The following CSMD3 variants were observed in gnomAD, a reference collection of about 807,000 sequenced individuals.
CSMD3 encodes the protein CUB and Sushi multiple domains 3, also known as CUB and sushi domain-containing protein 3.
In CSMD3, 177 loss-of-function variants were observed where a neutral mutation model predicts 435.2. The observed-to-expected ratio is 0.41, with a 90% confidence interval of 0.36 to 0.46. The LOEUF (loss-of-function observed/expected upper bound fraction) is 0.46. CSMD3 is among the 20% of genes least tolerant of loss of function. The pLI, the probability that CSMD3 is intolerant of heterozygous loss-of-function variation, is 0.34. For synonymous variants in CSMD3, 1,656 were observed against 1,520.5 expected (o/e 1.09, Z -2.07); for missense variants, 4,265 against 4,504.6 (o/e 0.95, Z 1.52).
At chr8:112,684,630 T>C (rs2075972171) in intron 15 of CSMD3, among the ~76,000 whole-genome samples, 1 of 151,956 alleles carries the variant, frequency 6.6e-6, no homozygotes, top group Admixed American at 6.6e-5. Flanking sequence ...TCCACTAAGG[T>C]TTTTTTCTTT....
At chr8:112,635,801 G>A (rs1055541415) in intron 22 of CSMD3, among the ~76,000 whole-genome samples, 16 of 152,094 alleles carry the variant, frequency 1.1e-4, no homozygotes, top group Non-Finnish European at 2.1e-4. Flanking sequence ...AGGCAAAAAG[G>A]ATATAACTTC....
chr8:113,077,537 A>G (rs2131435595), intron 5 of CSMD3, among the ~76,000 whole-genome samples: 1 of 152,192 alleles, frequency 6.6e-6, no homozygotes, highest in South Asian at 2.1e-4. Context: ...CCCCATCTCT[A>G]CTAAAAATAC....
At position 112,573,589 on chromosome 8, in the gene CSMD3, C is replaced by G. The variant is rs2131301743; in HGVS notation, c.3954G>C (p.Leu1318=). 1 of 1,613,244 alleles carries G rather than the reference C, an allele frequency of 6.2e-7. No homozygotes were observed. The highest frequency in any genetic ancestry group is 8.5e-7 in the Non-Finnish European group (1 of 1,179,358). The change falls in exon 24 of 71, where the codon CTG becomes CTC. Residue 1318 remains leucine (L), a synonymous_variant. Coordinates refer to ENST00000297405, the MANE Select transcript of CSMD3 (RefSeq NM_198123.2). The part of the protein sequence containing the change: ...GAFTGASMRG[L]TLSSTSNQLW... The stretch of plus-strand genomic sequence containing the variant: ...GTTGATTTGAAGTACTACTAAGTGT[C>G]AGTCCGCGCATAGATGCACCAGTAA...
chr8:113,213,810 T>C (rs531877138), intron 3 of CSMD3, among the ~76,000 whole-genome samples: 21 of 152,228 alleles, frequency 1.4e-4, no homozygotes, highest in East Asian at 1.4e-3. Context: ...ATTCCCTTCA[T>C]GTATCCATTT....
intron 5 of CSMD3, among the ~76,000 whole-genome samples, chr8:113,092,355 T>C (rs866539428): frequency 1.3e-5 from 2 of 152,080 alleles, no homozygotes; most frequent in South Asian, 2.1e-4. Context: ...GTATTCATTA[T>C]ACACATTTTT....
chr8:113,180,692 A>G (rs2092410546), intron 3 of CSMD3, among the ~76,000 whole-genome samples: 2 of 152,056 alleles, frequency 1.3e-5, no homozygotes, highest in South Asian at 2.1e-4. Context: ...AATAGAGTGG[A>G]ATCTGTAGTA....
Position 113,150,856 on chromosome 8 carries a change from C to T in CSMD3, c.709+22866G>A, listed in dbSNP as rs768325014. Among the ~76,000 whole-genome samples the T allele has an allele frequency of 4.0e-5, 6 of 151,898 alleles. No homozygotes were observed. In the East Asian group the frequency reaches 5.8e-4, roughly 15 times the overall value. ...ATTGTAAACAATTTAGAACTGACATCGTTCTTTCGGTTCTATATCTGTATT... is the reference window on the plus strand; with the variant it reads ...ATTGTAAACAATTTAGAACTGACATTGTTCTTTCGGTTCTATATCTGTATT... On this transcript the variant is annotated intron_variant, in intron 4 of 70. Transcript: ENST00000297405.
At chr8:113,000,977 C>A (rs764138023) in intron 6 of CSMD3, among the ~76,000 whole-genome samples, 1 of 151,766 alleles carries the variant, frequency 6.6e-6, no homozygotes, top group African/African-American at 2.4e-5. Context: ...AGATTTTTAC[C>A]CAAAGGATTC....
intron 3 of CSMD3, among the ~76,000 whole-genome samples, chr8:113,182,648 G>A (rs371920790): frequency 2.3e-4 from 35 of 152,118 alleles, no homozygotes; most frequent in African/African-American, 8.2e-4. Flanking sequence ...TCTAGGCTAG[G>A]AGAGACTGGA....
intron 10 of CSMD3, among the ~76,000 whole-genome samples, chr8:112,893,516 CT>C (rs1373597359): frequency 1.3e-5 from 2 of 151,504 alleles, no homozygotes; most frequent in Non-Finnish European, 3.0e-5. Flanking sequence ...GAACCACTCA[CT>C]GGCTTAGATA....
intron 22 of CSMD3, among the ~76,000 whole-genome samples, chr8:112,596,804 T>C (rs1005444496): frequency 1.3e-5 from 2 of 152,052 alleles, no homozygotes; most frequent in African/African-American, 2.4e-5. Flanking sequence ...AATAAAGATG[T>C]TCTTTGAAAC....
chr8:113,369,903 G>C (rs1023554180), intron 1 of CSMD3, among the ~76,000 whole-genome samples: 10 of 151,784 alleles, frequency 6.6e-5, no homozygotes, highest in Non-Finnish European at 1.3e-4. Context: ...TAGAGGCTGA[G>C]GCAGTGACAG....
In CSMD3 at chr8:113,019,061, G is replaced by A. The variant is rs2131169996; in HGVS notation, c.1030+6C>T. On this transcript the variant is annotated splice_donor_region_variant and intron_variant, in intron 6 of 70. Transcript: ENST00000297405. ...CAAAAGAGGCAAAGGTATTCCATAAGTATACCTTGATAGGGAGCACTAAAT... is the reference window on the plus strand; with the variant it reads ...CAAAAGAGGCAAAGGTATTCCATAAATATACCTTGATAGGGAGCACTAAAT... 4.5e-6 allele frequency: 7 copies of A among 1,549,232 alleles called. No individual in the cohort carries two copies. The highest frequency in any genetic ancestry group is 1.1e-5 in the South Asian group (1 of 89,754).
At chr8:112,688,231 C>G (rs546916068) in intron 14 of CSMD3, among the ~76,000 whole-genome samples, 1 of 152,202 alleles carries the variant, frequency 6.6e-6, no homozygotes, top group South Asian at 2.1e-4. Context: ...CAAGAGCTAA[C>G]CAAAGACACA....
At chr8:112,996,863 A>G (rs1273624903) in intron 6 of CSMD3, among the ~76,000 whole-genome samples, 3 of 151,660 alleles carry the variant, frequency 2.0e-5, no homozygotes, top group Non-Finnish European at 4.4e-5. Flanking sequence ...CAAGAGAAAA[A>G]TAGTATAATA....
chr8:113,360,471 G>A (rs146578062), intron 1 of CSMD3, among the ~76,000 whole-genome samples: 1 of 151,522 alleles, frequency 6.6e-6, no homozygotes, highest in African/African-American at 2.4e-5. Flanking sequence ...GTGCTTCAAA[G>A]GACACATCAA....
chr8:112,458,504 C>T (rs944203585), intron 32 of CSMD3, among the ~76,000 whole-genome samples: 6 of 152,066 alleles, frequency 3.9e-5, no homozygotes, highest in Non-Finnish European at 4.4e-5. Flanking sequence ...GTACATCACA[C>T]TACTTCCTGG....
chr8:112,374,414 G>T (rs552468907), intron 38 of CSMD3, among the ~76,000 whole-genome samples: 114 of 151,612 alleles, frequency 7.5e-4, no homozygotes, highest in African/African-American at 2.7e-3. Context: ...TTAATTTAGG[G>T]CCACTGACTT....
chr8:112,788,254 G>A lies in CSMD3; in HGVS notation c.1972+11908C>T, dbSNP rs77462478. Among the ~76,000 whole-genome samples the A allele has an allele frequency of 9.6e-3, 1,455 of 152,116 alleles. 12 individuals are homozygous for A. The highest frequency in any genetic ancestry group is 0.016 in the South Asian group (78 of 4,824). ...GTTCTTTTGCCTGCATTGGAGAAATGGACATCTTTTGTCATCATAGCTATA... is the reference window on the plus strand; with the variant it reads ...GTTCTTTTGCCTGCATTGGAGAAATAGACATCTTTTGTCATCATAGCTATA... On this transcript the variant is annotated intron_variant, in intron 13 of 70. Coordinates refer to ENST00000297405, the MANE Select transcript of CSMD3 (RefSeq NM_198123.2).
Sources: allele counts gnomAD v4.1 joint callset (sites outside exome capture counted in the v4.1 genomes callset), GRCh38; gene constraint gnomAD v4.1.1; transcripts MANE v1.5; gene names NCBI Gene and HGNC (gene_info 2026-07-23, HGNC 2026-07-21).